Variants in ROBO1 observed in about 807,000 individuals in gnomAD.
ROBO1 encodes the protein roundabout guidance receptor 1.
ROBO1 carries 149 observed loss-of-function variants against 195.9 expected under a neutral mutation model. The observed-to-expected ratio is 0.76, with a 90% CI of 0.67 to 0.87. ROBO1 has a LOEUF of 0.87. ROBO1 is among the 40% of genes least tolerant of loss of function. The pLI, the probability that ROBO1 is intolerant of heterozygous loss-of-function variation, is 0.00. For missense variants in ROBO1, 1,933 were observed against 2,068.3 expected, an observed-to-expected ratio of 0.93 and a Z score of 1.27; for synonymous variants, 816 against 733.2, an observed-to-expected ratio of 1.11 and a Z score of -1.82.
At chr3:79,150,987 G>A (rs2080757843) in intron 2 of ROBO1, among the ~76,000 whole-genome samples, 1 of 151,718 alleles carries the variant, frequency 6.6e-6, no homozygotes. Context: ...CAAGGGCAGG[G>A]CCAGGTGGAG....
intron 4 of ROBO1, among the ~76,000 whole-genome samples, chr3:78,817,820 G>A (rs974290998): frequency 8.5e-5 from 13 of 152,174 alleles, no homozygotes; most frequent in Admixed American, 1.3e-4. Flanking sequence ...TCCAACTACC[G>A]TGGTTCCTAA....
intron 2 of ROBO1, among the ~76,000 whole-genome samples, chr3:79,181,494 A>T (rs2081338864): frequency 6.6e-6 from 1 of 152,216 alleles, no homozygotes; most frequent in African/African-American, 2.4e-5. Flanking sequence ...AAACTTACTT[A>T]TCCTGTGAAA....
intron 10 of ROBO1, among the ~76,000 whole-genome samples, chr3:78,678,385 A>G (rs1708571044): frequency 6.6e-6 from 1 of 152,172 alleles, no homozygotes; most frequent in African/African-American, 2.4e-5. Flanking sequence ...TGAAACCAAG[A>G]GCTGGTTTTT....
intron 4 of ROBO1, among the ~76,000 whole-genome samples, chr3:78,750,855 T>C (rs2108304707): frequency 6.6e-6 from 1 of 152,224 alleles, no homozygotes; most frequent in African/African-American, 2.4e-5. Flanking sequence ...GACAACCAAG[T>C]CCCAGGAAGC....
intron 2 of ROBO1, among the ~76,000 whole-genome samples, chr3:79,437,359 T>C (rs972660974): frequency 6.6e-6 from 1 of 152,034 alleles, no homozygotes; most frequent in Non-Finnish European, 1.5e-5. Flanking sequence ...TTTCTGTCCA[T>C]TCCTTCTTGC....
chr3:78,881,038 T>C (rs899497163), intron 4 of ROBO1, among the ~76,000 whole-genome samples: 5 of 152,212 alleles, frequency 3.3e-5, no homozygotes, highest in African/African-American at 9.6e-5. Flanking sequence ...TTCTTATGAA[T>C]ATTGGCTGCC....
At chr3:79,015,343 A>T (rs919892084) in intron 3 of ROBO1, among the ~76,000 whole-genome samples, 16 of 152,168 alleles carry the variant, frequency 1.1e-4, no homozygotes, top group African/African-American at 1.7e-4. Context: ...AAACTTATTT[A>T]AAAAAGTTCC....
intron 2 of ROBO1, among the ~76,000 whole-genome samples, chr3:79,225,343 A>C (rs1395689937): frequency 6.6e-6 from 1 of 152,314 alleles, no homozygotes; most frequent in Non-Finnish European, 1.5e-5. Flanking sequence ...TGACTCTAAA[A>C]GGATGGAAAA....
chr3:79,474,604 C>A (rs1938451968), intron 2 of ROBO1, among the ~76,000 whole-genome samples: 1 of 151,926 alleles, frequency 6.6e-6, no homozygotes, highest in South Asian at 2.1e-4. Flanking sequence ...AGGAGGGCCA[C>A]ACATAAATTT....
intron 1 of ROBO1, among the ~76,000 whole-genome samples, chr3:79,614,563 T>C (rs991010440): frequency 1.3e-5 from 2 of 152,098 alleles, no homozygotes; most frequent in Admixed American, 6.6e-5. Flanking sequence ...ATTTATATAG[T>C]CTAGCAATAA....
intron 3 of ROBO1, among the ~76,000 whole-genome samples, chr3:79,061,793 C>T (rs940817638): frequency 1.3e-5 from 2 of 152,048 alleles, no homozygotes; most frequent in Admixed American, 6.6e-5. Flanking sequence ...AAATGGCTAG[C>T]CATATATAGA....
rs73126784 is a variant in ROBO1, at chr3:79,748,515, G to C, written c.-51+19237C>G. 9.8e-3 allele frequency among the ~76,000 whole-genome samples: 1,491 copies of C among 152,074 alleles called. 11 individuals carry two copies. The highest frequency in any genetic ancestry group is 0.015 in the Non-Finnish European group (991 of 67,980). On this transcript the variant is annotated intron_variant, in intron 1 of 30. Coordinates refer to ENST00000464233, the MANE Select transcript of ROBO1 (RefSeq NM_002941.4). ...TAGTTTTATTTCAATATTTTTATTT[G>C]AAATAAGAGATATGTTACCAAATGG...
At chr3:79,544,819 G>C (rs895693474) in intron 2 of ROBO1, among the ~76,000 whole-genome samples, 4 of 152,084 alleles carry the variant, frequency 2.6e-5, no homozygotes, top group Non-Finnish European at 2.9e-5. Context: ...ATTAAGGTAG[G>C]AATCATGGCC....
intron 1 of ROBO1, among the ~76,000 whole-genome samples, chr3:79,602,232 AAG>A (rs1255082926): frequency 1.3e-5 from 2 of 152,052 alleles, no homozygotes; most frequent in Non-Finnish European, 1.5e-5. Context: ...ATGCTATAGT[AAG>A]AGAGACATTA....
chr3:78,620,096 C>A (rs1305350634), intron 26 of ROBO1, among the ~76,000 whole-genome samples: 3 of 151,452 alleles, frequency 2.0e-5, no homozygotes, highest in African/African-American at 7.3e-5. Flanking sequence ...AAAACAAAAC[C>A]ATACAGGACC....
chr3:79,294,530 T>C (rs1222501898), intron 2 of ROBO1, among the ~76,000 whole-genome samples: 1 of 152,146 alleles, frequency 6.6e-6, no homozygotes, highest in Non-Finnish European at 1.5e-5. Flanking sequence ...ATTCAGGACA[T>C]AGGCATGGGC....
chr3:79,157,749 A>G (rs2080884138), intron 2 of ROBO1, among the ~76,000 whole-genome samples: 1 of 151,946 alleles, frequency 6.6e-6, no homozygotes, highest in African/African-American at 2.4e-5. Flanking sequence ...TTCAAACATT[A>G]TGAACAAATA....
intron 3 of ROBO1, among the ~76,000 whole-genome samples, chr3:78,945,327 G>C (rs1185876106): frequency 6.6e-6 from 1 of 152,154 alleles, no homozygotes; most frequent in East Asian, 1.9e-4. Context: ...AAAACTTCCA[G>C]AGGAACAATC....
At chr3:79,372,759 A>T (rs1559853442) in intron 2 of ROBO1, among the ~76,000 whole-genome samples, 1 of 150,844 alleles carries the variant, frequency 6.6e-6, no homozygotes, top group African/African-American at 2.4e-5. Flanking sequence ...GAGAAAATAC[A>T]TTTTTTTTTC....
Sources: allele counts gnomAD v4.1 joint callset (sites outside exome capture counted in the v4.1 genomes callset), GRCh38; gene constraint gnomAD v4.1.1; transcripts MANE v1.5; gene names NCBI Gene and HGNC (gene_info 2026-07-23, HGNC 2026-07-21).